SLC35B3: variants seen among roughly 807,000 people sequenced by gnomAD.
The protein encoded by SLC35B3 is adenosine 3'-phospho 5'-phosphosulfate transporter 2.
A neutral mutation model predicts 44.1 loss-of-function variants in SLC35B3; 35 were observed. That is an observed-to-expected ratio of 0.79 (90% CI 0.61 to 1.05). The LOEUF (loss-of-function observed/expected upper bound fraction) is 1.05. Ranked by LOEUF, SLC35B3 falls within the 50% of genes least tolerant of loss-of-function variation. SLC35B3 has a pLI of 0.00. For missense variants in SLC35B3, 414 were observed against 476.4 expected (o/e 0.87, Z 1.22); for synonymous variants, 146 against 167.3 (o/e 0.87, Z 0.98).
At chr6:8,413,760 C>T (rs2113220024) in intron 10 of SLC35B3, 61 bp from the exon 10 acceptor site, 1 of 1,106,448 alleles carries the variant, frequency 9.0e-7, no homozygotes, top group Admixed American at 2.7e-5. Context: ...TACTATTAAC[C>T]ACAGAATTTG....
At position 8,416,910 on chromosome 6, in the gene SLC35B3, A is replaced by G; in HGVS notation, c.959T>C (p.Ile320Thr). Residue 320 changes from isoleucine (I) to threonine (T), a missense_variant, in exon 9 of 11, where the codon ATT becomes ACT. Physicochemically the swap from Ile to Thr is moderately conservative, Grantham distance 89. Transcript: ENST00000644923. ...TGTTACAGCAATAAGTGCACCAAAA[A>G]TTTTAATCAAAGCCAGAACAAAGGA... The G allele has an allele frequency of 6.3e-7, 1 of 1,597,130 alleles. No homozygotes were observed. Among genetic ancestry groups the G allele is most frequent in the Non-Finnish European group, 8.5e-7 (1 of 1,171,150 alleles).
At chr6:8,425,097 T>G (rs1763288990) in intron 4 of SLC35B3, among the ~76,000 whole-genome samples, 1 of 152,250 alleles carries the variant, frequency 6.6e-6, no homozygotes, top group South Asian at 2.1e-4. Flanking sequence ...ACAAATTATT[T>G]TATTTTAAAA....
rs183075295 is a variant in SLC35B3 at position 8,433,667 on chromosome 6, C to G, written c.3+718G>C. On this transcript the variant is annotated intron_variant, in intron 2 of 10. Coordinates refer to ENST00000644923, the MANE Select transcript of SLC35B3 (RefSeq NM_001370476.2). This position sits in a 1 kb window ranked among gnomAD's most constrained non-coding sequence, Gnocchi z 4.1. Reference sequence around the variant, plus strand: ...CCGACATTGCTACTGAAACTCCCCACAAAACATTTGAAATGAACATGAAAA... The same window carrying G: ...CCGACATTGCTACTGAAACTCCCCAGAAAACATTTGAAATGAACATGAAAA... Among the ~76,000 whole-genome samples, 6 of 152,172 alleles carry G rather than the reference C, an allele frequency of 3.9e-5. No homozygotes were observed. Among genetic ancestry groups the G allele is most frequent in the Non-Finnish European group, 7.3e-5 (5 of 68,040 alleles).
At chr6:8,415,395 A>G (rs866747234) in intron 9 of SLC35B3, among the ~76,000 whole-genome samples, 6 of 152,164 alleles carry the variant, frequency 3.9e-5, no homozygotes, top group South Asian at 2.1e-4. Context: ...GGATAAGACT[A>G]TAAGTAACCA....
Position 8,435,532 on chromosome 6 carries a change from A to T in SLC35B3, c.-233T>A, listed in dbSNP as rs920192196. 1.6e-4 allele frequency: 74 copies of T among 472,018 alleles called. No individual in the cohort carries two copies. Among genetic ancestry groups the T allele is most frequent in the South Asian group, 1.1e-3 (56 of 53,146 alleles). 29.2% of individuals were successfully genotyped at this position (472,018 alleles called of 1,614,324 possible). On this transcript the variant is annotated 5_prime_UTR_variant, in exon 1 of 11. Transcript: ENST00000644923. This position sits in a 1 kb window ranked among gnomAD's most constrained non-coding sequence, Gnocchi z 5.5. The stretch of plus-strand genomic sequence containing the variant: ...CTCTCAACTCCGGCGCCCGCAGGCC[A>T]CTTCCGCCTATGTGTCCCTGCGCGC...
chr6:8,430,776 T>G (rs1264674217), intron 2 of SLC35B3, among the ~76,000 whole-genome samples: 1 of 152,078 alleles, frequency 6.6e-6, no homozygotes, highest in African/African-American at 2.4e-5. Context: ...TGCATGCCTG[T>G]AGTCCTAGCT....
Position 8,434,406 on chromosome 6 carries a change from A to G in SLC35B3, c.-19T>C. The G allele has an allele frequency of 6.2e-7, 1 of 1,612,804 alleles. No individual in the cohort carries two copies. Among genetic ancestry groups the G allele is most frequent in the Non-Finnish European group, 8.5e-7 (1 of 1,179,244 alleles). On this transcript the variant is annotated 5_prime_UTR_variant, in exon 2 of 11. Coordinates refer to ENST00000644923, the MANE Select transcript of SLC35B3 (RefSeq NM_001370476.2). The surrounding 1 kb of genome is among the most constrained non-coding windows in gnomAD (Gnocchi z 6.3). ...TTACCATGCCATTATGCCTTGATTAACTGCGCTCCGGAATCAATCATGGCC... is the reference window on the plus strand; with the variant it reads ...TTACCATGCCATTATGCCTTGATTAGCTGCGCTCCGGAATCAATCATGGCC...
At position 8,420,318 on chromosome 6, in the gene SLC35B3, T is replaced by C. The variant is rs1762780972; in HGVS notation, c.682+403A>G. ...TTCCCTCCAATATTCACAGTGGTTT[T>C]ACCCACACCTCATTCAATAGTGATT... On this transcript the variant is annotated intron_variant, in intron 6 of 10. Transcript: ENST00000644923. The surrounding 1 kb of genome is among the most constrained non-coding windows in gnomAD (Gnocchi z 4.4). 6.6e-6 allele frequency among the ~76,000 whole-genome samples: 1 copy of C among 152,212 alleles called. No homozygotes were observed. Among genetic ancestry groups the C allele is most frequent in the Non-Finnish European group, 1.5e-5 (1 of 68,014 alleles).
At chr6:8,427,151 C>A (rs1465104277) in intron 4 of SLC35B3, among the ~76,000 whole-genome samples, 1 of 152,154 alleles carries the variant, frequency 6.6e-6, no homozygotes, top group Admixed American at 6.5e-5. Flanking sequence ...AAATTTGCAA[C>A]CTGACGATGC....
chr6:8,425,264 G>A (rs2113437237), intron 4 of SLC35B3, among the ~76,000 whole-genome samples: 1 of 152,224 alleles, frequency 6.6e-6, no homozygotes, highest in Admixed American at 6.5e-5. Flanking sequence ...TAGTATTAGT[G>A]TCTTTTACCT....
chr6:8,423,437 T>C (rs1324501206), intron 4 of SLC35B3, among the ~76,000 whole-genome samples: 1 of 152,172 alleles, frequency 6.6e-6, no homozygotes, highest in Non-Finnish European at 1.5e-5. Flanking sequence ...TTCAAGTCTT[T>C]TAACTTTGGC....
At position 8,419,523 on chromosome 6, in the gene SLC35B3, G is replaced by T; in HGVS notation, c.780+57C>A. The T allele has an allele frequency of 2.4e-6, 2 of 823,706 alleles. No individual in the cohort carries two copies. The highest frequency in any genetic ancestry group is 2.1e-5 in the South Asian group (1 of 47,174). 51.0% of individuals were successfully genotyped at this position (823,706 alleles called of 1,614,324 possible). On this transcript the variant is annotated intron_variant, in intron 7 of 10. Transcript: ENST00000644923. This position sits in a 1 kb window ranked among gnomAD's most constrained non-coding sequence, Gnocchi z 4.3. ...TATAATAATTATTTCATCAAATTACGTGTATCACCATTTTTTAAATCTGTC... is the reference window on the plus strand; with the variant it reads ...TATAATAATTATTTCATCAAATTACTTGTATCACCATTTTTTAAATCTGTC...
chr6:8,435,053 A>G lies in SLC35B3; in HGVS notation c.-44+290T>C. ...CTCCAGAGACCCCGAGAACAGCGTA[A>G]AAGACCCCTTGAGGTCACCTCACCC... On this transcript the variant is annotated intron_variant, in intron 1 of 10. Coordinates refer to ENST00000644923, the MANE Select transcript of SLC35B3 (RefSeq NM_001370476.2). The surrounding 1 kb of genome is among the most constrained non-coding windows in gnomAD (Gnocchi z 5.5). 1 of 1,197,666 alleles carries G rather than the reference A, an allele frequency of 8.3e-7. No individual in the cohort carries two copies. Among genetic ancestry groups the G allele is most frequent in the East Asian group, 5.7e-5 (1 of 17,426 alleles). The allele number at this position is 1,197,666 out of a possible 1,614,324, so 74.2% of individuals were successfully genotyped here.
Position 8,432,598 on chromosome 6 carries a change from C to T in SLC35B3, c.3+1787G>A, listed in dbSNP as rs1025756877. On this transcript the variant is annotated intron_variant, in intron 2 of 10. Coordinates refer to ENST00000644923, the MANE Select transcript of SLC35B3 (RefSeq NM_001370476.2). This position sits in a 1 kb window ranked among gnomAD's most constrained non-coding sequence, Gnocchi z 4.8. ...CTTTACTACTTATTAGCTGAGGAGC[C>T]TTGGGCAAATCGTTTAACTTTTCTG... 6.6e-6 allele frequency among the ~76,000 whole-genome samples: 1 copy of T among 152,106 alleles called. No homozygotes were observed. The highest frequency in any genetic ancestry group is 1.9e-4 in the East Asian group (1 of 5,184).
chr6:8,423,979 G>A (rs967593434), intron 4 of SLC35B3, among the ~76,000 whole-genome samples: 1 of 152,110 alleles, frequency 6.6e-6, no homozygotes, highest in Non-Finnish European at 1.5e-5. Flanking sequence ...AAGATAAATG[G>A]CAAATCATTG....
chr6:8,411,954 A>C lies in SLC35B3; in HGVS notation c.*1595T>G, dbSNP rs1005716098. ...TTTGAATTTAGACTCAAAACTATGC[A>C]TGCAACATTCCTATGGTCTGAATGT... On this transcript the variant is annotated 3_prime_UTR_variant, in exon 11 of 11. Transcript: ENST00000644923. Among the ~76,000 whole-genome samples, 22 of 152,332 alleles carry C rather than the reference A, an allele frequency of 1.4e-4. No homozygotes were observed. The highest frequency in any genetic ancestry group is 5.3e-4 in the African/African-American group (22 of 41,578).
At chr6:8,423,391 C>A (rs1036257008) in intron 4 of SLC35B3, among the ~76,000 whole-genome samples, 3 of 143,946 alleles carry the variant, frequency 2.1e-5, no homozygotes, top group Non-Finnish European at 4.5e-5. Context: ...TTATAATAAT[C>A]AACTTTTAAG....
intron 4 of SLC35B3, among the ~76,000 whole-genome samples, chr6:8,426,785 A>G (rs1176382159): frequency 6.6e-6 from 1 of 152,190 alleles, no homozygotes; most frequent in African/African-American, 2.4e-5. Flanking sequence ...AGAGGCTGGA[A>G]GAGTTTGGAG....
intron 4 of SLC35B3, among the ~76,000 whole-genome samples, chr6:8,424,667 A>G (rs1331312305): frequency 2.0e-5 from 3 of 152,198 alleles, no homozygotes; most frequent in Non-Finnish European, 2.9e-5. Flanking sequence ...TTCTTTGATG[A>G]AAAATAATAA....
Sources: gnomAD v4.1 joint callset for allele counts (sites outside exome capture counted in the v4.1 genomes callset) on GRCh38, gnomAD v4.1.1 for gene constraint, Gnocchi (gnomAD v3.1) non-coding constraint, MANE v1.5 for transcripts, NCBI Gene and HGNC (gene_info 2026-07-23, HGNC 2026-07-21) for gene names.